Variants in NELL2 observed in about 807,000 individuals in gnomAD.
The protein encoded by NELL2 is protein kinase C-binding protein NELL2.
Under a neutral mutation model 109.6 loss-of-function variants are expected in NELL2, and 41 were observed. The ratio of observed to expected loss-of-function variants is 0.37; its 90% confidence interval spans 0.29 to 0.49. The LOEUF (loss-of-function observed/expected upper bound fraction) is 0.49, where lower values mean the gene tolerates loss of function less well. NELL2 is among the 20% of genes least tolerant of loss of function. The pLI, the probability that NELL2 is intolerant of heterozygous loss-of-function variation, is 0.98. For missense variants in NELL2, 900 were observed against 1,008.3 expected, an observed-to-expected ratio of 0.89 and a Z score of 1.45; for synonymous variants, 355 against 344.7, an observed-to-expected ratio of 1.03 and a Z score of -0.33.
intron 1 of NELL2, among the ~76,000 whole-genome samples, chr12:44,888,923 G>A (rs1190391278): frequency 6.6e-6 from 1 of 151,958 alleles, no homozygotes; most frequent in Non-Finnish European, 1.5e-5. Flanking sequence ...AAAGGAGTTT[G>A]GAACTTAGGA....
intron 12 of NELL2, among the ~76,000 whole-genome samples, chr12:44,667,321 G>T (rs974657857): frequency 2.0e-5 from 3 of 152,080 alleles, no homozygotes; most frequent in South Asian, 2.1e-4. Context: ...CACATGCAAT[G>T]ATTTTTTTAA....
At chr12:44,713,179 C>CAT (rs1369374284) in intron 10 of NELL2, among the ~76,000 whole-genome samples, 1 of 12,700 alleles carries the variant, frequency 7.9e-5, no homozygotes, top group Non-Finnish European at 3.0e-4. Flanking sequence ...GAATAGGATA[C>CAT]ACACACACAC....
At chr12:44,796,012 T>C (rs1251221337) in intron 3 of NELL2, among the ~76,000 whole-genome samples, 1 of 152,130 alleles carries the variant, frequency 6.6e-6, no homozygotes, top group Non-Finnish European at 1.5e-5. Flanking sequence ...CTTAATCCTG[T>C]CCCCACAGTT....
chr12:44,561,385 A>C (rs923255809), intron 15 of NELL2, among the ~76,000 whole-genome samples: 1 of 152,202 alleles, frequency 6.6e-6, no homozygotes, highest in African/African-American at 2.4e-5. Flanking sequence ...GAGGAAGTTA[A>C]ATTGTCTCTG....
intron 15 of NELL2, among the ~76,000 whole-genome samples, chr12:44,554,079 C>T (rs568736388): frequency 3.0e-4 from 46 of 152,200 alleles, no homozygotes; most frequent in Non-Finnish European, 5.1e-4. Context: ...CAGTTGCTAC[C>T]GGCATATTAC....
intron 12 of NELL2, among the ~76,000 whole-genome samples, chr12:44,669,519 G>C (rs1367478532): frequency 1.3e-5 from 2 of 151,910 alleles, no homozygotes; most frequent in Non-Finnish European, 2.9e-5. Flanking sequence ...GTCATTATTT[G>C]AATAAGAAAT....
intron 2 of NELL2, among the ~76,000 whole-genome samples, chr12:44,843,244 ATAAT>A (rs976944500): frequency 8.5e-5 from 13 of 152,296 alleles, no homozygotes; most frequent in East Asian, 1.9e-4. Context: ...AGTAGAATAA[ATAAT>A]TAAACAGAAA....
rs186875695 is a variant in NELL2 at position 44,699,984 on chromosome 12, T to G, written c.1318+3742A>C. 7.2e-5 allele frequency among the ~76,000 whole-genome samples: 11 copies of G among 152,242 alleles called. No homozygotes were observed. The East Asian group carries it at 1.9e-3, about 27-fold the overall frequency. On this transcript the variant is annotated intron_variant, in intron 12 of 19. Transcript: ENST00000429094. The stretch of plus-strand genomic sequence containing the variant: ...AGAATTCCAAATTTTCTGTCTAACT[T>G]AAACTTCCCTTAATGCCAAATTGAA...
At chr12:44,736,675 A>G (rs1292567372) in intron 9 of NELL2, among the ~76,000 whole-genome samples, 2 of 152,218 alleles carry the variant, frequency 1.3e-5, no homozygotes, top group African/African-American at 2.4e-5. Context: ...TTGGAAATCA[A>G]TTCAACTAGT....
intron 14 of NELL2, among the ~76,000 whole-genome samples, chr12:44,609,271 C>T (rs1396102652): frequency 2.6e-5 from 4 of 151,804 alleles, no homozygotes; most frequent in Non-Finnish European, 4.4e-5. Flanking sequence ...TACGTGAATA[C>T]AAGCATTGTG....
At chr12:44,801,809 A>G (rs1942838610) in intron 3 of NELL2, among the ~76,000 whole-genome samples, 1 of 152,168 alleles carries the variant, frequency 6.6e-6, no homozygotes, top group Non-Finnish European at 1.5e-5. Flanking sequence ...ACCTGATATC[A>G]GCAGATGCTC....
chr12:44,882,640 G>A (rs147942204), intron 1 of NELL2, among the ~76,000 whole-genome samples: 1,847 of 151,498 alleles, frequency 0.012, 55 homozygotes, highest in African/African-American at 0.042. Context: ...CAATTCTCCT[G>A]CCTCAGCCTC....
Position 44,508,713 on chromosome 12 carries a change from T to G in NELL2, c.*221A>C. The stretch of plus-strand genomic sequence containing the variant: ...ACGCCCATTCTTCTACATGGTGATG[T>G]GAGACACAGTAGAGGCAGACTTGAG... On this transcript the variant is annotated 3_prime_UTR_variant, in exon 20 of 20. Coordinates refer to ENST00000429094, the MANE Select transcript of NELL2 (RefSeq NM_001145108.2). 10 of 547,514 alleles carry G rather than the reference T, an allele frequency of 1.8e-5. No homozygotes were observed. Among genetic ancestry groups the G allele is most frequent in the Middle Eastern group, 5.2e-4 (1 of 1,924 alleles). The allele number at this position is 547,514 out of a possible 1,614,324, so 33.9% of individuals were successfully genotyped here. A position where few individuals can be genotyped will look rare whatever the true frequency, so the allele number is the denominator to read the frequency against.
chr12:44,624,881 A>C (rs1258068942), intron 13 of NELL2, among the ~76,000 whole-genome samples: 1 of 151,614 alleles, frequency 6.6e-6, no homozygotes, highest in Non-Finnish European at 1.5e-5. Flanking sequence ...GTGAGACGTG[A>C]CCATTATGGA....
At chr12:44,662,725 A>ACT (rs1475983486) in intron 13 of NELL2, among the ~76,000 whole-genome samples, 1 of 152,224 alleles carries the variant, frequency 6.6e-6, no homozygotes, top group Non-Finnish European at 1.5e-5. Context: ...ATTATTAAGT[A>ACT]ATGTGTATTG....
Position 44,621,922 on chromosome 12 carries a change from C to T in NELL2, c.1445-10952G>A, listed in dbSNP as rs545549949. Among the ~76,000 whole-genome samples, 138 of 147,474 alleles carry T rather than the reference C, an allele frequency of 9.4e-4. 1 individual carries two copies. Among genetic ancestry groups the T allele is most frequent in the Admixed American group, 2.2e-3 (30 of 13,950 alleles). ...CTGAGAATAATCCTGGTTCACGTAG[C>T]GCTTCATGAGTTAGTATTACACCAG... On this transcript the variant is annotated intron_variant, in intron 13 of 19. Transcript: ENST00000429094.
intron 9 of NELL2, among the ~76,000 whole-genome samples, chr12:44,742,732 C>A (rs1469471025): frequency 6.6e-6 from 1 of 151,810 alleles, no homozygotes; most frequent in Admixed American, 6.6e-5. Context: ...TGAAATGAAG[C>A]GAGAAGAGAA....
At chr12:44,583,593 A>G (rs902292897) in intron 15 of NELL2, among the ~76,000 whole-genome samples, 6 of 152,232 alleles carry the variant, frequency 3.9e-5, no homozygotes, top group Non-Finnish European at 8.8e-5. Context: ...ATAAAAAACA[A>G]AGATTTATGA....
At chr12:44,787,413 C>A (rs1482532362) in intron 3 of NELL2, among the ~76,000 whole-genome samples, 1 of 151,188 alleles carries the variant, frequency 6.6e-6, no homozygotes, top group Non-Finnish European at 1.5e-5. Context: ...CTGTAGACAA[C>A]ATTATCCTAA....
Sources: allele counts gnomAD v4.1 joint callset (sites outside exome capture counted in the v4.1 genomes callset), GRCh38; gene constraint gnomAD v4.1.1; transcripts MANE v1.5; gene names NCBI Gene and HGNC (gene_info 2026-07-23, HGNC 2026-07-21).